Variants in VOPP1 observed in about 807,000 individuals in gnomAD.
VOPP1 encodes WW domain binding protein VOPP1.
VOPP1 carries 8 observed loss-of-function variants against 23.5 expected under a neutral mutation model. That is an observed-to-expected ratio of 0.34 (90% CI 0.20 to 0.61). The LOEUF is 0.61. Among genes scored for constraint, VOPP1 ranks in the 20% least tolerant of loss-of-function variants. VOPP1 has a pLI of 0.78. For synonymous variants in VOPP1, 83 were observed against 97.3 expected (o/e 0.85, Z 0.86); for missense variants, 174 against 238.1 (o/e 0.73, Z 1.77).
chr7:55,527,919 T>G (rs1230485158), intron 1 of VOPP1, among the ~76,000 whole-genome samples: 2 of 146,120 alleles, frequency 1.4e-5, no homozygotes, highest in Admixed American at 7.1e-5. Flanking sequence ...AATCCCAGAG[T>G]ACCCTTTGCA....
intron 4 of VOPP1, among the ~76,000 whole-genome samples, chr7:55,450,731 G>A (rs1562880986): frequency 6.6e-6 from 1 of 152,226 alleles, no homozygotes. Flanking sequence ...AAAGTAAGAT[G>A]CAAAATTCCT....
intron 4 of VOPP1, among the ~76,000 whole-genome samples, chr7:55,452,322 C>T (rs1469646571): frequency 1.3e-5 from 2 of 152,184 alleles, no homozygotes; most frequent in African/African-American, 2.4e-5. Context: ...ATTTCCACCA[C>T]ATCCACAGTT....
At chr7:55,457,115 G>A (rs2129002796) in intron 4 of VOPP1, among the ~76,000 whole-genome samples, 1 of 152,126 alleles carries the variant, frequency 6.6e-6, no homozygotes, top group East Asian at 1.9e-4. Context: ...CCCAGCCTCT[G>A]GTAATTATCA....
chr7:55,519,023 TG>T (rs1795663164), intron 2 of VOPP1, among the ~76,000 whole-genome samples: 1 of 152,152 alleles, frequency 6.6e-6, no homozygotes, highest in African/African-American at 2.4e-5. Flanking sequence ...TGGGTGGGGC[TG>T]GGGTTTCCTG....
At chr7:55,527,339 C>G (rs908784533) in intron 1 of VOPP1, among the ~76,000 whole-genome samples, 1 of 152,080 alleles carries the variant, frequency 6.6e-6, no homozygotes, top group African/African-American at 2.4e-5. Context: ...AGCACCATTT[C>G]TTAGAGGGAA....
rs1229998289 is a variant in VOPP1, at chr7:55,560,342, ATTAAG to A, written c.54+11924_54+11928del. The stretch of plus-strand genomic sequence containing the variant: ...TGGCAAAAGGGGCTTTGCAGACGTG[ATTAAG>A]TTAAGGATCTTACAATGAGGAGATT... On this transcript the variant is annotated intron_variant, in intron 1 of 4. Coordinates refer to ENST00000285279, the MANE Select transcript of VOPP1 (RefSeq NM_030796.5). 3.3e-5 allele frequency among the ~76,000 whole-genome samples: 5 copies of A among 152,236 alleles called. No homozygotes were observed. In the South Asian group the frequency reaches 6.2e-4, roughly 19 times the overall value.
At chr7:55,452,093 G>A (rs916022848) in intron 4 of VOPP1, among the ~76,000 whole-genome samples, 16 of 152,122 alleles carry the variant, frequency 1.1e-4, no homozygotes, top group Admixed American at 2.6e-4. Flanking sequence ...CTCAAACCCT[G>A]CCACTACTTT....
At chr7:55,549,877 G>A (rs572112554) in intron 1 of VOPP1, among the ~76,000 whole-genome samples, 4 of 152,248 alleles carry the variant, frequency 2.6e-5, no homozygotes, top group Admixed American at 6.5e-5. Flanking sequence ...CTCCATGAGC[G>A]GTGCTCTCAA....
chr7:55,462,052 C>T (rs1791513374), intron 4 of VOPP1, among the ~76,000 whole-genome samples: 1 of 152,160 alleles, frequency 6.6e-6, no homozygotes, highest in African/African-American at 2.4e-5. Flanking sequence ...TCAGTTTTTG[C>T]TTGGCTGGGA....
chr7:55,489,018 G>A (rs1793359711), intron 4 of VOPP1, among the ~76,000 whole-genome samples: 1 of 152,258 alleles, frequency 6.6e-6, no homozygotes, highest in African/African-American at 2.4e-5. Flanking sequence ...TGGGATCTGA[G>A]CAGACAGCTG....
chr7:55,510,800 T>C (rs964282930), intron 2 of VOPP1, among the ~76,000 whole-genome samples: 10 of 152,000 alleles, frequency 6.6e-5, no homozygotes, highest in African/African-American at 2.4e-4. Flanking sequence ...TCCAGCCCCA[T>C]GGTCCCCACT....
intron 4 of VOPP1, among the ~76,000 whole-genome samples, chr7:55,477,871 G>A (rs1018581086): frequency 2.6e-5 from 4 of 152,198 alleles, no homozygotes; most frequent in Non-Finnish European, 5.9e-5. Flanking sequence ...CAGCAGGGCC[G>A]GATGCTGGAG....
At chr7:55,551,094 T>C (rs1379532211) in intron 1 of VOPP1, among the ~76,000 whole-genome samples, 1 of 152,122 alleles carries the variant, frequency 6.6e-6, no homozygotes, top group Non-Finnish European at 1.5e-5. Flanking sequence ...ATCTCCCTGT[T>C]ATGCAGAGAA....
intron 1 of VOPP1, chr7:55,552,733 A>T (rs1797661924): frequency 6.5e-7 from 1 of 1,534,744 alleles, no homozygotes; most frequent in Non-Finnish European, 8.7e-7. Context: ...TCTGGTCGCC[A>T]GGTTGCCGGC....
intron 4 of VOPP1, among the ~76,000 whole-genome samples, chr7:55,489,461 T>C (rs1793400692): frequency 6.6e-6 from 1 of 152,216 alleles, no homozygotes; most frequent in African/African-American, 2.4e-5. Context: ...TGGAGTCTCC[T>C]ACTTACATGG....
At chr7:55,565,627 G>A (rs1798139230) in intron 1 of VOPP1, among the ~76,000 whole-genome samples, 1 of 152,190 alleles carries the variant, frequency 6.6e-6, no homozygotes, top group Non-Finnish European at 1.5e-5. Context: ...CTCAATTTAG[G>A]TTTTTAAAAA....
intron 1 of VOPP1, among the ~76,000 whole-genome samples, chr7:55,561,239 T>G (rs1258131807): frequency 6.6e-6 from 1 of 152,080 alleles, no homozygotes; most frequent in African/African-American, 2.4e-5. Context: ...CTTTCCCCAC[T>G]GAACTTCAAC....
chr7:55,571,093 C>T (rs972502819), intron 1 of VOPP1, among the ~76,000 whole-genome samples: 2 of 152,086 alleles, frequency 1.3e-5, no homozygotes, highest in Non-Finnish European at 2.9e-5. Context: ...GAATGTGATT[C>T]CTAAGGTTCT....
intron 4 of VOPP1, among the ~76,000 whole-genome samples, chr7:55,436,645 C>G (rs377669907): frequency 2.3e-4 from 34 of 148,990 alleles, no homozygotes; most frequent in Non-Finnish European, 3.4e-4. Context: ...TGTGTGCGTG[C>G]GTGGGTGTGT....
Sources: allele counts gnomAD v4.1 joint callset (sites outside exome capture counted in the v4.1 genomes callset), GRCh38; gene constraint gnomAD v4.1.1; transcripts MANE v1.5; gene names NCBI Gene and HGNC (gene_info 2026-07-23, HGNC 2026-07-21).